The following KCNH1 variants were observed in gnomAD, a reference collection of about 807,000 sequenced individuals.
KCNH1 encodes the protein potassium voltage-gated channel subfamily H member 1, also known as voltage-gated delayed rectifier potassium channel KCNH1.
Under a neutral mutation model 69.2 loss-of-function variants are expected in KCNH1, and 27 were observed. The ratio of observed to expected loss-of-function variants is 0.39; its 90% CI spans 0.29 to 0.54. KCNH1 has a LOEUF of 0.54. Ranked by LOEUF, KCNH1 falls within the 20% of genes least tolerant of loss-of-function variation. The pLI is 0.68. For missense variants in KCNH1, 798 were observed against 1,261.6 expected, an observed-to-expected ratio of 0.63 and a Z score of 5.57; for synonymous variants, 456 against 487.7, an observed-to-expected ratio of 0.93 and a Z score of 0.86.
At chr1:210,689,078 T>C (rs1235480710) in intron 10 of KCNH1, among the ~76,000 whole-genome samples, 4 of 152,214 alleles carry the variant, frequency 2.6e-5, no homozygotes, top group Admixed American at 2.0e-4. Context: ...GATGCTGCTG[T>C]GCCTTGCTCA....
chr1:210,796,387 C>T (rs1684315846), intron 9 of KCNH1, among the ~76,000 whole-genome samples: 1 of 152,086 alleles, frequency 6.6e-6, no homozygotes, highest in Non-Finnish European at 1.5e-5. Flanking sequence ...AATGCTGTGT[C>T]AAATGGCACA....
chr1:210,990,614 G>C (rs1055730377), intron 6 of KCNH1, among the ~76,000 whole-genome samples: 1 of 152,154 alleles, frequency 6.6e-6, no homozygotes, highest in Non-Finnish European at 1.5e-5. Context: ...TCCCTGAGGG[G>C]CTCTCTAAGT....
chr1:210,930,594 T>C (rs184702053), intron 6 of KCNH1, among the ~76,000 whole-genome samples: 122 of 152,158 alleles, frequency 8.0e-4, no homozygotes, highest in African/African-American at 2.9e-3. Flanking sequence ...GAAGATAACA[T>C]TGGAAAAAAC....
intron 4 of KCNH1, among the ~76,000 whole-genome samples, chr1:211,084,684 T>C (rs1690921464): frequency 6.6e-6 from 1 of 152,144 alleles, no homozygotes; most frequent in Non-Finnish European, 1.5e-5. Flanking sequence ...GAAATCTGCA[T>C]TACACTTCTA....
chr1:210,961,309 A>G (rs1263869085), intron 6 of KCNH1, among the ~76,000 whole-genome samples: 1 of 152,084 alleles, frequency 6.6e-6, no homozygotes, highest in African/African-American at 2.4e-5. Flanking sequence ...CATCCTTCAA[A>G]GAGCAGATTT....
chr1:211,024,163 T>C (rs1263941259), intron 5 of KCNH1, among the ~76,000 whole-genome samples: 1 of 152,226 alleles, frequency 6.6e-6, no homozygotes, highest in Admixed American at 6.5e-5. Flanking sequence ...AACAGCATAA[T>C]GCCTGCTCTC....
At chr1:210,937,217 C>T (rs1687789620) in intron 6 of KCNH1, among the ~76,000 whole-genome samples, 1 of 152,218 alleles carries the variant, frequency 6.6e-6, no homozygotes. Flanking sequence ...TTCTCAGAAT[C>T]TACCTTCCCA....
intron 6 of KCNH1, among the ~76,000 whole-genome samples, chr1:210,924,063 A>G (rs747765464): frequency 6.6e-6 from 1 of 152,216 alleles, no homozygotes; most frequent in Non-Finnish European, 1.5e-5. Flanking sequence ...ACAAATACAG[A>G]TTAGAGGGAT....
chr1:210,870,921 G>T (rs1049177774), intron 7 of KCNH1, among the ~76,000 whole-genome samples: 2 of 152,048 alleles, frequency 1.3e-5, no homozygotes, highest in Non-Finnish European at 2.9e-5. Flanking sequence ...TCTGATACTG[G>T]CTCTGCCACT....
chr1:210,744,090 C>G (rs1683095164), intron 10 of KCNH1, among the ~76,000 whole-genome samples: 1 of 152,182 alleles, frequency 6.6e-6, no homozygotes, highest in Non-Finnish European at 1.5e-5. Context: ...CCCTTCATTA[C>G]TGTTTGCTCT....
At chr1:211,105,835 T>C (rs1691339394) in intron 2 of KCNH1, among the ~76,000 whole-genome samples, 1 of 152,184 alleles carries the variant, frequency 6.6e-6, no homozygotes, top group Non-Finnish European at 1.5e-5. Context: ...ACAAAGAATG[T>C]AAGATAATTC....
chr1:210,817,862 T>C (rs996781874), intron 7 of KCNH1, among the ~76,000 whole-genome samples: 10 of 152,178 alleles, frequency 6.6e-5, no homozygotes, highest in Admixed American at 2.6e-4. Context: ...CTCAGCAGCA[T>C]TGACATTTGT....
intron 7 of KCNH1, among the ~76,000 whole-genome samples, chr1:210,809,093 C>G (rs988561442): frequency 1.3e-5 from 2 of 150,864 alleles, no homozygotes; most frequent in Non-Finnish European, 3.0e-5. Context: ...ACAGCGATTC[C>G]TACCCAGAAA....
At chr1:210,849,765 C>G (rs931319400) in intron 7 of KCNH1, among the ~76,000 whole-genome samples, 1 of 152,042 alleles carries the variant, frequency 6.6e-6, no homozygotes, top group Non-Finnish European at 1.5e-5. Context: ...CCATCTACCC[C>G]ACCCCTTTCC....
At chr1:210,864,602 T>C (rs1301130029) in intron 7 of KCNH1, among the ~76,000 whole-genome samples, 3 of 152,150 alleles carry the variant, frequency 2.0e-5, no homozygotes, top group East Asian at 1.9e-4. Context: ...CCTACCTCTA[T>C]GGAGGGAGTG....
At chr1:210,758,885 C>T (rs1273110531) in intron 10 of KCNH1, among the ~76,000 whole-genome samples, 9 of 152,144 alleles carry the variant, frequency 5.9e-5, no homozygotes, top group Non-Finnish European at 8.8e-5. Context: ...CTGTCCCTGC[C>T]GCTAACTGCC....
chr1:210,972,330 C>T (rs1688524844), intron 6 of KCNH1, among the ~76,000 whole-genome samples: 1 of 152,146 alleles, frequency 6.6e-6, no homozygotes, highest in African/African-American at 2.4e-5. Flanking sequence ...TGTGCTTCCT[C>T]ATAACTTTTG....
At chr1:210,952,820 T>C (rs879783661) in intron 6 of KCNH1, among the ~76,000 whole-genome samples, 1 of 152,244 alleles carries the variant, frequency 6.6e-6, no homozygotes, top group Non-Finnish European at 1.5e-5. Flanking sequence ...TGGAATATCA[T>C]TCAGGTAAAC....
At chr1:211,073,067 C>G (rs1690675733) in intron 5 of KCNH1, among the ~76,000 whole-genome samples, 1 of 152,050 alleles carries the variant, frequency 6.6e-6, no homozygotes. Context: ...CAAAGGAAAG[C>G]AGGAGTAGCT....
Sources: allele counts gnomAD v4.1 joint callset (sites outside exome capture counted in the v4.1 genomes callset), GRCh38; gene constraint gnomAD v4.1.1; transcripts MANE v1.5; gene names NCBI Gene and HGNC (gene_info 2026-07-23, HGNC 2026-07-21).